The following GALNT13 variants were observed in gnomAD, a reference collection of about 807,000 sequenced individuals.
GALNT13 encodes the protein UDP-GalNAc:polypeptide N-acetylgalactosaminyltransferase 13.
Under a neutral mutation model 64.2 loss-of-function variants are expected in GALNT13, and 28 were observed. That is an observed-to-expected ratio of 0.44 (90% CI 0.32 to 0.60). GALNT13 has a LOEUF of 0.60. Among genes scored for constraint, GALNT13 ranks in the 20% least tolerant of loss-of-function variants. The pLI is 0.05. For missense variants in GALNT13, 577 were observed against 669.8 expected (o/e 0.86, Z 1.53); for synonymous variants, 214 against 224.6 (o/e 0.95, Z 0.42).
the GALNT13 span, among the ~76,000 whole-genome samples, chr2:153,603,706 A>G: frequency 6.6e-6 from 1 of 152,024 alleles, no homozygotes; most frequent in Non-Finnish European, 1.5e-5. Flanking sequence ...CTTTACAAAC[A>G]AAATTCTCCT....
intron 3 of GALNT13, among the ~76,000 whole-genome samples, chr2:154,087,525 A>G (rs1389402624): frequency 1.3e-5 from 2 of 152,078 alleles, no homozygotes; most frequent in South Asian, 4.1e-4. Flanking sequence ...AGTCTATGCT[A>G]TCAGTTTTTC....
At chr2:153,110,695 AG>A in the GALNT13 span, among the ~76,000 whole-genome samples, 1 of 152,038 alleles carries the variant, frequency 6.6e-6, no homozygotes, top group East Asian at 1.9e-4. Context: ...TTCATGTTCT[AG>A]GACTGTGTAT....
At chr2:153,345,172 A>G in the GALNT13 span, among the ~76,000 whole-genome samples, 2 of 152,132 alleles carry the variant, frequency 1.3e-5, no homozygotes, top group Admixed American at 6.5e-5. Context: ...TTTTCACACT[A>G]GGTATTTTTT....
rs78976706 is a variant in GALNT13, at chr2:154,070,399, A to G, written c.143-69938A>G. The stretch of plus-strand genomic sequence containing the variant: ...ATGTATTGATAATACCATTCAAAAT[A>G]GTTGACTTGAGAAGTTTTAATCTAA... On this transcript the variant is annotated intron_variant, in intron 3 of 12. Transcript: ENST00000392825. Among the ~76,000 whole-genome samples the G allele has an allele frequency of 5.3e-3, 809 of 152,304 alleles. 5 individuals are homozygous for G. The highest frequency in any genetic ancestry group is 0.018 in the African/African-American group (763 of 41,562).
chr2:153,719,953 C>T, the GALNT13 span, among the ~76,000 whole-genome samples: 2 of 152,106 alleles, frequency 1.3e-5, no homozygotes, highest in South Asian at 4.1e-4. Context: ...CTGGGTGGAG[C>T]CCACCACAGC....
intron 11 of GALNT13, among the ~76,000 whole-genome samples, chr2:154,418,760 G>C (rs1035875970): frequency 6.6e-6 from 1 of 152,158 alleles, no homozygotes; most frequent in Non-Finnish European, 1.5e-5. Flanking sequence ...AAACAGTATA[G>C]CTCAGAGTTC....
chr2:153,782,083 T>A, the GALNT13 span, among the ~76,000 whole-genome samples: 3 of 152,170 alleles, frequency 2.0e-5, no homozygotes, highest in African/African-American at 7.2e-5. Context: ...TAAATTCATA[T>A]GTTGAAGACC....
the GALNT13 span, among the ~76,000 whole-genome samples, chr2:153,433,166 G>A: frequency 6.6e-6 from 1 of 152,084 alleles, no homozygotes; most frequent in South Asian, 2.1e-4. Flanking sequence ...AAGAAGAGAG[G>A]AAATTGTAAA....
At chr2:154,206,291 G>A (rs1687448680) in intron 4 of GALNT13, among the ~76,000 whole-genome samples, 1 of 151,896 alleles carries the variant, frequency 6.6e-6, no homozygotes, top group African/African-American at 2.4e-5. Context: ...ATGAGCAACT[G>A]AGCCCGGCCC....
At chr2:153,853,139 A>T in the GALNT13 span, among the ~76,000 whole-genome samples, 1 of 152,198 alleles carries the variant, frequency 6.6e-6, no homozygotes, top group Admixed American at 6.5e-5. Flanking sequence ...AGCATCTAGC[A>T]CGAGAGAATG....
At chr2:153,811,166 A>T in the GALNT13 span, among the ~76,000 whole-genome samples, 2 of 152,158 alleles carry the variant, frequency 1.3e-5, no homozygotes. Flanking sequence ...GAAAGGTTAG[A>T]AATACCCAAC....
At chr2:154,368,906 T>TCGGG (rs1697523007) in intron 9 of GALNT13, among the ~76,000 whole-genome samples, 1 of 152,102 alleles carries the variant, frequency 6.6e-6, no homozygotes, top group Non-Finnish European at 1.5e-5. Context: ...AAAGGTCAGA[T>TCGGG]TTTGCTGGCC....
intron 3 of GALNT13, among the ~76,000 whole-genome samples, chr2:154,040,530 T>C (rs910049463): frequency 2.1e-5 from 3 of 140,940 alleles, no homozygotes; most frequent in Non-Finnish European, 4.9e-5. Context: ...TGGGTTTCAC[T>C]GTCCTCATAT....
intron 4 of GALNT13, among the ~76,000 whole-genome samples, chr2:154,219,411 T>C (rs924877299): frequency 6.6e-6 from 1 of 152,110 alleles, no homozygotes; most frequent in African/African-American, 2.4e-5. Context: ...GCCTGCCTTT[T>C]AATCTCCTTA....
chr2:153,588,365 A>G, the GALNT13 span, among the ~76,000 whole-genome samples: 1 of 152,224 alleles, frequency 6.6e-6, no homozygotes, highest in Non-Finnish European at 1.5e-5. Context: ...CCCCTGCAGC[A>G]AACTCCTGCC....
chr2:153,808,160 T>C, the GALNT13 span, among the ~76,000 whole-genome samples: 7 of 152,170 alleles, frequency 4.6e-5, no homozygotes, highest in African/African-American at 1.7e-4. Context: ...TTTTCTTCTA[T>C]AATACTGGCA....
the GALNT13 span, among the ~76,000 whole-genome samples, chr2:153,488,502 G>A: frequency 1.3e-5 from 2 of 152,160 alleles, no homozygotes. Context: ...ATAGTCACCA[G>A]CCACCTCTAT....
chr2:153,616,860 A>G, the GALNT13 span, among the ~76,000 whole-genome samples: 2 of 152,000 alleles, frequency 1.3e-5, no homozygotes, highest in African/African-American at 2.4e-5. Flanking sequence ...ACTCTATATC[A>G]TCTACAAACA....
chr2:153,843,064 TAA>T, the GALNT13 span, among the ~76,000 whole-genome samples: 3 of 151,682 alleles, frequency 2.0e-5, no homozygotes, highest in Non-Finnish European at 4.4e-5. Context: ...CATAGGGGAT[TAA>T]AAAAAAAGAT....
Sources: gnomAD v4.1 joint callset for allele counts (sites outside exome capture counted in the v4.1 genomes callset) on GRCh38, gnomAD v4.1.1 for gene constraint, MANE v1.5 for transcripts, NCBI Gene and HGNC (gene_info 2026-07-23, HGNC 2026-07-21) for gene names.